Variants in ELAC2 observed in about 807,000 individuals in gnomAD.
ELAC2 encodes the protein zinc phosphodiesterase ELAC protein 2.
ELAC2 carries 92 observed loss-of-function variants against 105.2 expected under a neutral mutation model. That is an observed-to-expected ratio of 0.87 (90% CI 0.74 to 1.04). The LOEUF (loss-of-function observed/expected upper bound fraction) is 1.04. ELAC2 is among the 50% of genes least tolerant of loss of function. The pLI, the probability that ELAC2 is intolerant of heterozygous loss-of-function variation, is 0.00. For missense variants in ELAC2, 1,099 were observed against 1,071.7 expected (o/e 1.03, Z -0.36); for synonymous variants, 468 against 409.1 (o/e 1.14, Z -1.74).
chr17:12,998,640 G>T lies in ELAC2; in HGVS notation c.1424-132C>A, dbSNP rs1441427721. The T allele has an allele frequency of 8.0e-6, 7 of 879,946 alleles. No homozygotes were observed. In the African/African-American group the frequency reaches 8.3e-5, roughly 10 times the overall value. The allele number at this position is 879,946 out of a possible 1,614,324, so 54.5% of individuals were successfully genotyped here. A position where few individuals can be genotyped will look rare whatever the true frequency, so the allele number is the denominator to read the frequency against. ...ACCTCATGTGGAAACGTGCTCCCTAGTATGGCGGTTTTGGGAGGCGGGGCC... is the reference window on the plus strand; with the variant it reads ...ACCTCATGTGGAAACGTGCTCCCTATTATGGCGGTTTTGGGAGGCGGGGCC... On this transcript the variant is annotated intron_variant, in intron 15 of 23. Transcript: ENST00000338034.
rs1371243590 is a variant in ELAC2 at position 12,992,144 on chromosome 17, T to TTGATTGA, written c.*667_*673dup. Among the ~76,000 whole-genome samples, 4 of 150,124 alleles carry TTGATTGA rather than the reference T, an allele frequency of 2.7e-5. No homozygotes were observed. The highest frequency in any genetic ancestry group is 6.6e-5 in the Admixed American group (1 of 15,164). ...CTGATTGATTTGATTGATTGATTGA[T>TTGATTGA]TGATTGATAGAGAAAGCACGCCCTG... is the stretch of plus-strand genomic sequence containing the variant. On this transcript the variant is annotated 3_prime_UTR_variant, in exon 24 of 24. Transcript: ENST00000338034.
intron 22 of ELAC2, 31 bp downstream of exon 22, chr17:12,994,394 T>G (rs1598195690): frequency 6.2e-7 from 1 of 1,613,066 alleles, no homozygotes; most frequent in Non-Finnish European, 8.5e-7. Context: ...GGAGAGGATG[T>G]GGGCGACAAG....
rs752234492 is a variant in ELAC2 at position 12,998,473 on chromosome 17, C to G, written c.1459G>C (p.Gly487Arg). Reference protein sequence around the residue: ...RSQYPEIIFLGTGSAIPMKIR... With the variant: ...RSQYPEIIFLRTGSAIPMKIR... The stretch of plus-strand genomic sequence containing the variant: ...TTCATCGGGATGGCAGACCCTGTTC[C>G]AAGGAAGATGATTTCTGGGTACTGA... The change falls in exon 16 of 24, where the codon GGA (glycine) becomes CGA (arginine). Residue 487 changes from glycine (G) to arginine (R), a missense_variant. By Grantham distance (125) the Gly-to-Arg change is moderately radical (BLOSUM62 -2). Coordinates refer to ENST00000338034, the MANE Select transcript of ELAC2 (RefSeq NM_018127.7). 20 of 1,614,044 alleles carry G rather than the reference C, an allele frequency of 1.2e-5. No individual in the cohort carries two copies. Among genetic ancestry groups the G allele is most frequent in the African/African-American group, 1.3e-5 (1 of 74,924 alleles).
intron 3 of ELAC2, 140 bp downstream of exon 3, chr17:13,016,722 G>A: frequency 3.7e-6 from 3 of 820,648 alleles, no homozygotes; most frequent in Non-Finnish European, 5.7e-6. Flanking sequence ...AAAGGTTGCA[G>A]TGAGCCAAGA....
chr17:13,013,323 T>C (rs1360546795), intron 5 of ELAC2, 48 bp from the exon 6 acceptor site: 1 of 1,601,158 alleles, frequency 6.2e-7, no homozygotes, highest in African/African-American at 1.3e-5. Flanking sequence ...AGTGAAGATG[T>C]GTGGGAAGAG....
chr17:12,996,279 G>T, intron 17 of ELAC2: 1 of 636,794 alleles, frequency 1.6e-6, no homozygotes, highest in Non-Finnish European at 2.8e-6. Context: ...CTTCCGCTGA[G>T]CAGGCCGTGT....
chr17:12,999,552 G>A (rs1311638596), intron 15 of ELAC2, among the ~76,000 whole-genome samples: 2 of 152,256 alleles, frequency 1.3e-5, no homozygotes, highest in East Asian at 1.9e-4. Context: ...CCTGCTCAGA[G>A]CTCTTTCCAC....
At chr17:13,010,465 G>A (rs895640344) in intron 8 of ELAC2, 148 bp downstream of exon 8, 14 of 750,650 alleles carry the variant, frequency 1.9e-5, no homozygotes, top group Non-Finnish European at 2.3e-5. Context: ...CACTGCACCC[G>A]GCCTTCCATC....
Position 13,015,832 on chromosome 17 carries a change from C to T in ELAC2, c.368G>A (p.Gly123Glu). 1 of 1,613,512 alleles carries T rather than the reference C, an allele frequency of 6.2e-7. No individual in the cohort carries two copies. Among genetic ancestry groups the T allele is most frequent in the Non-Finnish European group, 8.5e-7 (1 of 1,179,486 alleles). Reference sequence around the variant, plus strand: ...GGTTTCCTTTAAAGTAAGAATCATTCCTAAAAAGGATGCATAAAATCAGAT... The same window carrying T: ...GGTTTCCTTTAAAGTAAGAATCATTTCTAAAAAGGATGCATAAAATCAGAT... ...MHWSNVGGLS[G>E]MILTLKETGL... is the part of the protein sequence containing the mutation. The change falls in exon 4 of 24, where the codon GGA (glycine) becomes GAA (glutamate). Residue 123 changes from glycine (G) to glutamate (E), a missense_variant and splice_region_variant. Coordinates refer to ENST00000338034, the MANE Select transcript of ELAC2 (RefSeq NM_018127.7).
In ELAC2 at chr17:13,017,976, C is replaced by T. The variant is rs1353507303; in HGVS notation, c.-29G>A. 7 of 1,534,474 alleles carry T rather than the reference C, an allele frequency of 4.6e-6. No homozygotes were observed. The highest frequency in any genetic ancestry group is 5.2e-6 in the Non-Finnish European group (6 of 1,146,576). ...CCCGTCTCCACCAAAACTGAGAAAG[C>T]CGCCGGTCACCTACGCCCGCGTTTC... On this transcript the variant is annotated 5_prime_UTR_variant, in exon 1 of 24. Transcript: ENST00000338034.
intron 15 of ELAC2, among the ~76,000 whole-genome samples, chr17:12,999,454 G>C: frequency 6.6e-6 from 1 of 152,222 alleles, no homozygotes; most frequent in Admixed American, 6.5e-5. Flanking sequence ...GCCTGTGCCC[G>C]GCCCTCAGCC....
rs2040247800 is a variant in ELAC2, at chr17:12,992,796, G to A, written c.*22C>T. ...TGGGGCAGAAGACACACAGCCTTCT[G>A]AGTTCAGGGTCTCCCAGATCTTCAC... is the stretch of plus-strand genomic sequence containing the variant. On this transcript the variant is annotated 3_prime_UTR_variant, in exon 24 of 24. Transcript: ENST00000338034. 5 of 1,613,448 alleles carry A rather than the reference G, an allele frequency of 3.1e-6. No individual in the cohort carries two copies. The highest frequency in any genetic ancestry group is 1.3e-5 in the African/African-American group (1 of 74,914).
At chr17:13,015,373 T>C (rs1207408557) in intron 4 of ELAC2, among the ~76,000 whole-genome samples, 3 of 152,044 alleles carry the variant, frequency 2.0e-5, no homozygotes, top group Non-Finnish European at 4.4e-5. Context: ...TTCTCAAGAG[T>C]GTAATAAGCT....
intron 14 of ELAC2, among the ~76,000 whole-genome samples, chr17:13,002,007 T>C (rs1282627401): frequency 6.6e-6 from 1 of 152,212 alleles, no homozygotes; most frequent in African/African-American, 2.4e-5. Flanking sequence ...AAGGCAATTT[T>C]GGAAAAGGAG....
intron 1 of ELAC2, 177 bp from the exon 2 acceptor site, chr17:13,017,298 G>C (rs971538948): frequency 2.8e-6 from 2 of 713,150 alleles, no homozygotes; most frequent in South Asian, 3.5e-5. Context: ...CCTTAGCAGA[G>C]GTGGAGAGGA....
At chr17:13,014,567 A>G (rs1294967597) in intron 4 of ELAC2, 71 bp from the exon 5 acceptor site, 1 of 1,141,882 alleles carries the variant, frequency 8.8e-7, no homozygotes, top group East Asian at 2.3e-5. Flanking sequence ...TCAAGTATTT[A>G]AAAGGTTACC....
chr17:12,998,011 C>G (rs1184737128), intron 16 of ELAC2, among the ~76,000 whole-genome samples: 2 of 152,222 alleles, frequency 1.3e-5, no homozygotes, highest in Non-Finnish European at 2.9e-5. Flanking sequence ...AGTCCCCGCT[C>G]AAACTTCAGA....
rs145824949 is a variant in ELAC2 at position 12,994,371 on chromosome 17, C to G, written c.2108+54G>C. ...GACAAACGACGGCTGCTCAGTGTCA[C>G]GTAGTGGGGGAGGGAGAGGATGTGG... On this transcript the variant is annotated intron_variant, in intron 22 of 23. Coordinates refer to ENST00000338034, the MANE Select transcript of ELAC2 (RefSeq NM_018127.7). 2,634 of 1,596,706 alleles carry G rather than the reference C, an allele frequency of 1.6e-3. 31 individuals carry two copies. The African/African-American group carries it at 0.03, about 18-fold the overall frequency.
At chr17:13,009,878 AC>A (rs1343874387) in intron 8 of ELAC2, among the ~76,000 whole-genome samples, 3 of 151,836 alleles carry the variant, frequency 2.0e-5, no homozygotes, top group African/African-American at 7.3e-5. Flanking sequence ...AATCCTAGCT[AC>A]TTGGGAGGCT....
Sources: allele counts gnomAD v4.1 joint callset (sites outside exome capture counted in the v4.1 genomes callset), GRCh38; gene constraint gnomAD v4.1.1; transcripts MANE v1.5; gene names NCBI Gene and HGNC (gene_info 2026-07-23, HGNC 2026-07-21).